Variants in RAP1GDS1 observed in about 807,000 individuals in gnomAD.
RAP1GDS1 encodes the protein RAP1, GTP-GDP dissociation stimulator 1.
In RAP1GDS1, 35 loss-of-function variants were observed where a neutral mutation model predicts 71.1. The ratio of observed to expected loss-of-function variants is 0.49; its 90% CI spans 0.38 to 0.65. RAP1GDS1 has a LOEUF of 0.65. RAP1GDS1 is among the 30% of genes least tolerant of loss of function. The pLI, the probability that RAP1GDS1 is intolerant of heterozygous loss-of-function variation, is 0.00. For missense variants in RAP1GDS1, 663 were observed against 706.1 expected (o/e 0.94, Z 0.69); for synonymous variants, 229 against 243.1 (o/e 0.94, Z 0.54).
At chr4:98,285,846 A>G (rs1426943058) in intron 1 of RAP1GDS1, among the ~76,000 whole-genome samples, 1 of 147,412 alleles carries the variant, frequency 6.8e-6, no homozygotes, top group African/African-American at 2.5e-5. Context: ...AATTATAAAT[A>G]ATTTAAATAA....
chr4:98,338,831 A>G (rs1376033387), intron 2 of RAP1GDS1, among the ~76,000 whole-genome samples: 2 of 152,164 alleles, frequency 1.3e-5, no homozygotes, highest in Non-Finnish European at 2.9e-5. Flanking sequence ...TATCCTCATG[A>G]AACCTATATG....
At chr4:98,292,612 T>C (rs1412309848) in intron 1 of RAP1GDS1, among the ~76,000 whole-genome samples, 1 of 152,132 alleles carries the variant, frequency 6.6e-6, no homozygotes, top group Admixed American at 6.6e-5. Flanking sequence ...AATTTTTTTG[T>C]TAGGAAATAA....
intron 11 of RAP1GDS1, 29 bp from the exon 12 acceptor site, chr4:98,421,226 C>T (rs751985253): frequency 1.8e-5 from 28 of 1,572,816 alleles, no homozygotes; most frequent in Non-Finnish European, 2.4e-5. Context: ...GTTAGTGATT[C>T]ATTCCTTGGT....
At chr4:98,290,585 G>T (rs547308342) in intron 1 of RAP1GDS1, among the ~76,000 whole-genome samples, 10 of 152,120 alleles carry the variant, frequency 6.6e-5, no homozygotes, top group Admixed American at 3.9e-4. Context: ...TAGAAGAGAG[G>T]TTGGAGCATA....
chr4:98,289,526 T>G (rs1726580179), intron 1 of RAP1GDS1, among the ~76,000 whole-genome samples: 1 of 141,894 alleles, frequency 7.0e-6, no homozygotes, highest in African/African-American at 2.7e-5. Flanking sequence ...TAAAAGTTTC[T>G]GATCGGTTTA....
At chr4:98,345,285 T>A (rs1461378709) in intron 3 of RAP1GDS1, among the ~76,000 whole-genome samples, 4 of 152,262 alleles carry the variant, frequency 2.6e-5, no homozygotes, top group African/African-American at 9.6e-5. Context: ...AATTTGTTCA[T>A]CTTTACTCTG....
At chr4:98,352,382 C>T in intron 3 of RAP1GDS1, 94 bp from the exon 4 acceptor site, 3 of 1,351,048 alleles carry the variant, frequency 2.2e-6, no homozygotes, top group Non-Finnish European at 2.0e-6. Context: ...TTAAATACCA[C>T]ATATTAAAAG....
In RAP1GDS1 at chr4:98,309,483, A is replaced by T. The variant is rs1012949412; in HGVS notation, c.112+15968A>T. On this transcript the variant is annotated intron_variant, in intron 2 of 14. Coordinates refer to ENST00000408927, the MANE Select transcript of RAP1GDS1 (RefSeq NM_001100427.2). ...GAATATATGTGAATATGCATGACCA[A>T]ATGTAAAATTGTTGAAATAGGAAGA... 1.8e-4 allele frequency among the ~76,000 whole-genome samples: 27 copies of T among 152,008 alleles called. 1 individual carries two copies. The highest frequency in any genetic ancestry group is 4.8e-4 in the African/African-American group (20 of 41,522).
intron 7 of RAP1GDS1, among the ~76,000 whole-genome samples, chr4:98,410,466 AT>A (rs1746885211): frequency 6.6e-6 from 1 of 152,198 alleles, no homozygotes; most frequent in Admixed American, 6.5e-5. Flanking sequence ...GGGAAGTAGT[AT>A]CTATTGAAGT....
At chr4:98,430,682 T>C (rs148202521) in intron 12 of RAP1GDS1, among the ~76,000 whole-genome samples, 49 of 152,318 alleles carry the variant, frequency 3.2e-4, no homozygotes, top group Non-Finnish European at 6.0e-4. Flanking sequence ...GCATCTGTTA[T>C]TACACTGGAC....
rs543209519 is a variant in RAP1GDS1 at position 98,317,839 on chromosome 4, T to C, written c.112+24324T>C. Among the ~76,000 whole-genome samples, 704 of 148,416 alleles carry C rather than the reference T, an allele frequency of 4.7e-3. 6 individuals carry two copies. The highest frequency in any genetic ancestry group is 0.016 in the South Asian group (75 of 4,712). ...ATATATATATATATTTTTTTTTCTT[T>C]TCTTCTCTTTTTTTTTTTTTGAGAC... On this transcript the variant is annotated intron_variant, in intron 2 of 14. Transcript: ENST00000408927.
At chr4:98,353,954 T>G (rs1477706697) in intron 4 of RAP1GDS1, among the ~76,000 whole-genome samples, 1 of 152,166 alleles carries the variant, frequency 6.6e-6, no homozygotes, top group Non-Finnish European at 1.5e-5. Flanking sequence ...TGAGTAATAG[T>G]CAAAAGATTA....
rs115637182 is a variant in RAP1GDS1, at chr4:98,434,483, C to T, written c.1567+421C>T. ...GATTCTTTCTTGCTGTTCTCCTTCT[C>T]CATCACCGTGACTTCTATTGCCTTA... On this transcript the variant is annotated intron_variant, in intron 13 of 14. Coordinates refer to ENST00000408927, the MANE Select transcript of RAP1GDS1 (RefSeq NM_001100427.2). Among the ~76,000 whole-genome samples, 1,436 of 152,192 alleles carry T rather than the reference C, an allele frequency of 9.4e-3. 19 individuals are homozygous for T. The highest frequency in any genetic ancestry group is 0.031 in the African/African-American group (1,274 of 41,508).
At chr4:98,283,490 A>G (rs544104006) in intron 1 of RAP1GDS1, among the ~76,000 whole-genome samples, 1 of 152,338 alleles carries the variant, frequency 6.6e-6, no homozygotes, top group Admixed American at 6.5e-5. Context: ...TAGTGCAAGT[A>G]GTCATATTTC....
chr4:98,364,486 A>G (rs1355580135), intron 4 of RAP1GDS1, among the ~76,000 whole-genome samples: 3 of 152,142 alleles, frequency 2.0e-5, no homozygotes, highest in African/African-American at 7.2e-5. Context: ...ATCACTGTCA[A>G]ATACATAAAT....
chr4:98,393,831 A>G (rs1276505581), intron 6 of RAP1GDS1, among the ~76,000 whole-genome samples: 2 of 152,330 alleles, frequency 1.3e-5, no homozygotes, highest in Middle Eastern at 3.4e-3. Flanking sequence ...GCATGTTGAC[A>G]TGATAATTTG....
At chr4:98,406,297 C>T in intron 7 of RAP1GDS1, among the ~76,000 whole-genome samples, 1 of 151,858 alleles carries the variant, frequency 6.6e-6, no homozygotes, top group South Asian at 2.1e-4. Flanking sequence ...AACTATACTA[C>T]TTAAGCAATA....
intron 14 of RAP1GDS1, among the ~76,000 whole-genome samples, chr4:98,437,574 CT>C (rs1024689873): frequency 6.6e-6 from 1 of 152,020 alleles, no homozygotes; most frequent in Non-Finnish European, 1.5e-5. Flanking sequence ...TGGTGGATCA[CT>C]TGAGGCCAGG....
chr4:98,351,631 T>C (rs963345396), intron 3 of RAP1GDS1, among the ~76,000 whole-genome samples: 3 of 152,070 alleles, frequency 2.0e-5, no homozygotes, highest in Admixed American at 6.6e-5. Flanking sequence ...AATTCAGTTA[T>C]TGGTTATTGG....
Sources: allele counts gnomAD v4.1 joint callset (sites outside exome capture counted in the v4.1 genomes callset), GRCh38; gene constraint gnomAD v4.1.1; transcripts MANE v1.5; gene names NCBI Gene and HGNC (gene_info 2026-07-23, HGNC 2026-07-21).